Variants in MALRD1 observed in about 807,000 individuals in gnomAD.
MALRD1 encodes the protein MAM and LDL-receptor class A domain-containing protein 1.
A neutral mutation model predicts 242.1 loss-of-function variants in MALRD1; 247 were observed. The ratio of observed to expected loss-of-function variants is 1.02; its 90% CI spans 0.92 to 1.13. The LOEUF is 1.13. Among genes scored for constraint, MALRD1 ranks in the 50% most tolerant of loss-of-function variants. MALRD1 has a pLI of 0.00. For missense variants in MALRD1, 2,989 were observed against 2,533.1 expected, an observed-to-expected ratio of 1.18 and a Z score of -3.86; for synonymous variants, 995 against 866.6, an observed-to-expected ratio of 1.15 and a Z score of -2.60.
chr10:19,220,821 A>C (rs1314661227), intron 18 of MALRD1, among the ~76,000 whole-genome samples: 1 of 152,130 alleles, frequency 6.6e-6, no homozygotes, highest in African/African-American at 2.4e-5. Context: ...TGTTACAAAA[A>C]CCCAGCTTAT....
intron 10 of MALRD1, among the ~76,000 whole-genome samples, chr10:19,137,916 T>C (rs975089662): frequency 1.2e-4 from 19 of 152,330 alleles, no homozygotes; most frequent in Admixed American, 7.8e-4. Context: ...TTAAAAGATA[T>C]TAAAAATTTG....
At chr10:19,383,269 G>A (rs1048460080) in intron 26 of MALRD1, among the ~76,000 whole-genome samples, 1 of 151,934 alleles carries the variant, frequency 6.6e-6, no homozygotes, top group Non-Finnish European at 1.5e-5. Flanking sequence ...TGTCCTCAAA[G>A]TTTCACTCCC....
At chr10:19,500,036 T>C (rs1391238882) in intron 31 of MALRD1, among the ~76,000 whole-genome samples, 1 of 152,178 alleles carries the variant, frequency 6.6e-6, no homozygotes, top group South Asian at 2.1e-4. Flanking sequence ...AGGATTTTTG[T>C]GTCTGTGTTT....
At chr10:19,521,336 T>C (rs1833874064) in intron 31 of MALRD1, among the ~76,000 whole-genome samples, 1 of 152,150 alleles carries the variant, frequency 6.6e-6, no homozygotes, top group South Asian at 2.1e-4. Context: ...ACTGTCACTC[T>C]GTCACCACAT....
chr10:19,258,864 G>A (rs756740595), intron 19 of MALRD1, among the ~76,000 whole-genome samples: 1 of 152,022 alleles, frequency 6.6e-6, no homozygotes, highest in Non-Finnish European at 1.5e-5. Context: ...TCTCAATCCT[G>A]CCACTCCTGT....
At chr10:19,579,357 A>C (rs1430429340) in intron 33 of MALRD1, among the ~76,000 whole-genome samples, 1 of 152,198 alleles carries the variant, frequency 6.6e-6, no homozygotes, top group Non-Finnish European at 1.5e-5. Context: ...CCCAAAGTGC[A>C]TGTGAAATTT....
intron 31 of MALRD1, among the ~76,000 whole-genome samples, chr10:19,506,533 G>A (rs1209181088): frequency 1.3e-5 from 2 of 152,086 alleles, no homozygotes; most frequent in African/African-American, 4.8e-5. Context: ...TGACACTTGT[G>A]TATCATACAA....
intron 18 of MALRD1, among the ~76,000 whole-genome samples, chr10:19,233,221 G>T (rs753123502): frequency 1.3e-5 from 2 of 152,110 alleles, no homozygotes; most frequent in Non-Finnish European, 2.9e-5. Context: ...TATTCAATTG[G>T]CTGGGCGCGG....
At chr10:19,292,892 C>CA (rs57002523) in intron 21 of MALRD1, among the ~76,000 whole-genome samples, 2,257 of 72,258 alleles carry the variant, frequency 0.031, 70 homozygotes, top group Middle Eastern at 0.063. Context: ...GACTCTGCCT[C>CA]AAAAAAAAAA....
chr10:19,200,918 A>G (rs1267913164), intron 14 of MALRD1, among the ~76,000 whole-genome samples: 1 of 152,120 alleles, frequency 6.6e-6, no homozygotes, highest in Non-Finnish European at 1.5e-5. Context: ...TTTTTATTAA[A>G]TAGAAATTTT....
intron 21 of MALRD1, among the ~76,000 whole-genome samples, chr10:19,318,200 AT>A (rs1183502294): frequency 4.6e-5 from 7 of 151,970 alleles, no homozygotes; most frequent in African/African-American, 1.2e-4. Context: ...GCAATTCTTC[AT>A]TTTTCCATTA....
At chr10:19,602,191 A>G (rs1308405076) in intron 34 of MALRD1, among the ~76,000 whole-genome samples, 1 of 105,880 alleles carries the variant, frequency 9.4e-6, no homozygotes, top group African/African-American at 4.2e-5. Flanking sequence ...TGCAGGTAGC[A>G]TAGTCTTTTT....
intron 29 of MALRD1, among the ~76,000 whole-genome samples, chr10:19,466,802 T>C (rs7081165): frequency 0.82 from 124,038 of 152,068 alleles, 50,763 homozygotes; most frequent in East Asian, 1. Context: ...TTCATATACA[T>C]CTATGCACAT....
intron 38 of MALRD1, among the ~76,000 whole-genome samples, chr10:19,729,924 A>G (rs1434047256): frequency 6.6e-6 from 1 of 150,666 alleles, no homozygotes; most frequent in East Asian, 2.0e-4. Context: ...TTTTCAGTAG[A>G]GACGGGGTTT....
chr10:19,166,432 G>A (rs1392460386), intron 13 of MALRD1, among the ~76,000 whole-genome samples: 2 of 152,170 alleles, frequency 1.3e-5, no homozygotes, highest in African/African-American at 4.8e-5. Context: ...GAAAGGTGGG[G>A]AGGAGGAGGT....
At chr10:19,473,582 A>G (rs1162279231) in intron 29 of MALRD1, among the ~76,000 whole-genome samples, 2 of 152,156 alleles carry the variant, frequency 1.3e-5, no homozygotes, top group South Asian at 2.1e-4. Context: ...GTATTTGCCC[A>G]TTTGTGACTG....
chr10:19,335,669 TA>T (rs1489724765), intron 24 of MALRD1, among the ~76,000 whole-genome samples: 1 of 152,128 alleles, frequency 6.6e-6, no homozygotes, highest in Non-Finnish European at 1.5e-5. Context: ...GAATTCTAAG[TA>T]AAGCTTGAAC....
chr10:19,124,457 A>G (rs1379889001), intron 6 of MALRD1, 67 bp from the exon 7 acceptor site: 6 of 1,211,240 alleles, frequency 5.0e-6, no homozygotes, highest in Non-Finnish European at 5.2e-6. Context: ...TGATTACAAC[A>G]CATAACTTGG....
intron 18 of MALRD1, among the ~76,000 whole-genome samples, chr10:19,225,192 A>G (rs1837740130): frequency 6.6e-6 from 1 of 152,154 alleles, no homozygotes; most frequent in Non-Finnish European, 1.5e-5. Context: ...CAACAAGCGT[A>G]TATGGGATGA....
Sources: gnomAD v4.1 joint callset for allele counts (sites outside exome capture counted in the v4.1 genomes callset) on GRCh38, gnomAD v4.1.1 for gene constraint, MANE v1.5 for transcripts, NCBI Gene and HGNC (gene_info 2026-07-23, HGNC 2026-07-21) for gene names.